The following DIS3L2 variants were observed in gnomAD, a reference collection of about 807,000 sequenced individuals.
DIS3L2 encodes DIS3-like exonuclease 2.
Under a neutral mutation model 97.5 loss-of-function variants are expected in DIS3L2, and 34 were observed. The ratio of observed to expected loss-of-function variants is 0.35; its 90% CI spans 0.27 to 0.46. The LOEUF (loss-of-function observed/expected upper bound fraction) is 0.46. Among genes scored for constraint, DIS3L2 ranks in the 20% least tolerant of loss-of-function variants. The pLI, the probability that DIS3L2 is intolerant of heterozygous loss-of-function variation, is 1.00. For synonymous variants in DIS3L2, 435 were observed against 445.2 expected (o/e 0.98, Z 0.29); for missense variants, 1,038 against 1,146.0 (o/e 0.91, Z 1.36).
Position 232,265,770 on chromosome 2 carries a change from A to G in DIS3L2, c.1659+2330A>G, listed in dbSNP as rs188361346. On this transcript the variant is annotated intron_variant, in intron 13 of 20. Coordinates refer to ENST00000325385, the MANE Select transcript of DIS3L2 (RefSeq NM_152383.5). The stretch of plus-strand genomic sequence containing the variant: ...TTACAAAATCCATTAAGCATTCTGT[A>G]TTCAAATTGCTTCATAAATGTCTAA... Among the ~76,000 whole-genome samples the G allele has an allele frequency of 2.2e-3, 330 of 152,386 alleles. 2 individuals are homozygous for G. Among genetic ancestry groups the G allele is most frequent in the African/African-American group, 7.5e-3 (313 of 41,590 alleles).
intron 5 of DIS3L2, among the ~76,000 whole-genome samples, chr2:232,067,925 C>T (rs1695896810): frequency 1.3e-5 from 2 of 151,878 alleles, no homozygotes; most frequent in South Asian, 4.2e-4. Flanking sequence ...GGAATGTTTT[C>T]AAAGATGGGA....
Position 232,293,351 on chromosome 2 carries a change from A to G in DIS3L2, c.1660-6689A>G, listed in dbSNP as rs188746740. Among the ~76,000 whole-genome samples the G allele has an allele frequency of 2.6e-5, 4 of 152,306 alleles. No homozygotes were observed. Among genetic ancestry groups the G allele is most frequent in the Admixed American group, 2.0e-4 (3 of 15,306 alleles). ...ATTGGACACCTGCTGTGACAGTGAT[A>G]AGGACACCGATTGCCCAGGAGACCT... On this transcript the variant is annotated intron_variant, in intron 13 of 20. Transcript: ENST00000325385. The surrounding 1 kb of genome is among the most constrained non-coding windows in gnomAD (Gnocchi z 4.6).
At chr2:232,333,755 C>CGAGCCAGAA in intron 16 of DIS3L2, 85 bp from the exon 17 acceptor site, 11 of 1,488,962 alleles carry the variant, frequency 7.4e-6, no homozygotes, top group Admixed American at 4.5e-5. Context: ...TCGCTGCCGA[C>CGAGCCAGAA]GGTGAGGCTG....
intron 14 of DIS3L2, 28 bp from the exon 15 acceptor site, chr2:232,329,785 T>TGCCGGGGGCA: frequency 2.1e-6 from 2 of 967,140 alleles, no homozygotes; most frequent in Non-Finnish European, 2.9e-6. Context: ...ACCCCAGCGG[T>TGCCGGGGGCA]CCCTCCCATC....
chr2:232,068,075 G>A (rs1695901028), intron 5 of DIS3L2, among the ~76,000 whole-genome samples: 1 of 152,144 alleles, frequency 6.6e-6, no homozygotes, highest in Admixed American at 6.5e-5. Context: ...TGCTGGGATT[G>A]GTCTTTTGCA....
chr2:232,189,874 C>A (rs1226540177), intron 9 of DIS3L2, among the ~76,000 whole-genome samples: 1 of 152,006 alleles, frequency 6.6e-6, no homozygotes, highest in Non-Finnish European at 1.5e-5. Context: ...TTTTAATCTA[C>A]AATTATCGCA....
chr2:232,098,355 ATT>A (rs371321680), intron 6 of DIS3L2, among the ~76,000 whole-genome samples: 7 of 138,656 alleles, frequency 5.0e-5, no homozygotes, highest in Non-Finnish European at 7.7e-5. Flanking sequence ...GAGGTTTCTA[ATT>A]TTTTTTTTTT....
At chr2:232,263,011 G>A (rs1395941578) in intron 12 of DIS3L2, among the ~76,000 whole-genome samples, 196 bp from the exon 13 acceptor site, 5 of 152,318 alleles carry the variant, frequency 3.3e-5, no homozygotes, top group South Asian at 4.2e-4. Context: ...ACGCCAGGTG[G>A]AGACTAAGCT....
intron 1 of DIS3L2, among the ~76,000 whole-genome samples, chr2:231,966,289 C>T (rs942565040): frequency 1.3e-5 from 2 of 151,924 alleles, no homozygotes; most frequent in African/African-American, 2.4e-5. Context: ...CAGCCTCAGC[C>T]TCGTGAGTAG....
At chr2:232,318,160 C>T (rs1035513033) in intron 14 of DIS3L2, among the ~76,000 whole-genome samples, 2 of 150,340 alleles carry the variant, frequency 1.3e-5, no homozygotes, top group East Asian at 1.9e-4. Context: ...CAGTAGTGGT[C>T]GGGGTGCCCA....
intron 1 of DIS3L2, among the ~76,000 whole-genome samples, chr2:231,984,736 C>T (rs780731678): frequency 3.9e-5 from 6 of 152,128 alleles, no homozygotes; most frequent in Non-Finnish European, 8.8e-5. Context: ...TCTCCTGGCT[C>T]AGCCTCCTGA....
At position 232,100,829 on chromosome 2, in the gene DIS3L2, G is replaced by GTGTGTGTA. The variant is rs149798372; in HGVS notation, c.601+13109_601+13110insGTGTGTAT. ...GGTGTGTGTGTGTGTGTGTGTGTGT[G>GTGTGTGTA]TATATATATCTCCACAAATTTGATT... On this transcript the variant is annotated intron_variant, in intron 6 of 20. Coordinates refer to ENST00000325385, the MANE Select transcript of DIS3L2 (RefSeq NM_152383.5). Among the ~76,000 whole-genome samples the GTGTGTGTA allele has an allele frequency of 2.3e-3, 336 of 148,152 alleles. 1 individual carries two copies. The highest frequency in any genetic ancestry group is 7.7e-3 in the African/African-American group (309 of 40,290).
Position 232,056,512 on chromosome 2 carries a change from A to T in DIS3L2, c.366+26432A>T, listed in dbSNP as rs188886736. On this transcript the variant is annotated intron_variant, in intron 5 of 20. Transcript: ENST00000325385. ...TAATCTGCACAGTGGGAGAAGATGT[A>T]TGCAACCAGATATATATTCAACAAA... 2.3e-3 allele frequency among the ~76,000 whole-genome samples: 346 copies of T among 152,290 alleles called. 4 individuals are homozygous for T. The Middle Eastern group carries it at 0.027, about 12-fold the overall frequency.
At chr2:232,109,445 A>T (rs1467813284) in intron 6 of DIS3L2, among the ~76,000 whole-genome samples, 2 of 152,236 alleles carry the variant, frequency 1.3e-5, no homozygotes, top group East Asian at 3.9e-4. Flanking sequence ...AGTCTCAAAA[A>T]GATAAAAATA....
rs2106220804 is a variant in DIS3L2 at position 232,014,970 on chromosome 2, AC to A, written c.48del (p.Arg17GlufsTer47). On this transcript the variant is annotated frameshift_variant, in exon 2 of 21. Coordinates refer to ENST00000325385, the MANE Select transcript of DIS3L2 (RefSeq NM_152383.5). LOFTEE classifies it high-confidence loss of function. ...DYRMNLRPLG[T>X]PRGVSAVAGP... ...CAGAATGAACCTCCGGCCCCTGGGG[AC>A]CCCCAGAGGTAGTAAAAGGAAAATG... is the stretch of plus-strand genomic sequence containing the variant. 1.2e-6 allele frequency: 2 copies of A among 1,613,938 alleles called. No homozygotes were observed. The highest frequency in any genetic ancestry group is 1.7e-6 in the Non-Finnish European group (2 of 1,179,934).
intron 5 of DIS3L2, among the ~76,000 whole-genome samples, chr2:232,057,723 G>A (rs1695587415): frequency 6.6e-6 from 1 of 152,052 alleles, no homozygotes; most frequent in African/African-American, 2.4e-5. Context: ...AAGCCATACC[G>A]AGATACTCGA....
chr2:232,125,078 T>G (rs1457232124), intron 6 of DIS3L2, among the ~76,000 whole-genome samples: 1 of 152,202 alleles, frequency 6.6e-6, no homozygotes, highest in Non-Finnish European at 1.5e-5. Flanking sequence ...TGTGTGCCTT[T>G]GCACGCTCTC....
intron 13 of DIS3L2, among the ~76,000 whole-genome samples, chr2:232,273,995 CA>C: frequency 6.6e-6 from 1 of 152,304 alleles, no homozygotes; most frequent in South Asian, 2.1e-4. Context: ...TCCCATAAGA[CA>C]GAGGTTCTGT....
chr2:232,149,440 A>G (rs1301327153), intron 8 of DIS3L2, among the ~76,000 whole-genome samples: 1 of 129,734 alleles, frequency 7.7e-6, no homozygotes, highest in African/African-American at 3.2e-5. Flanking sequence ...GAGTGAGAAT[A>G]TGCGGTGTTT....
Sources: gnomAD v4.1 joint callset for allele counts (sites outside exome capture counted in the v4.1 genomes callset) on GRCh38, gnomAD v4.1.1 for gene constraint, Gnocchi (gnomAD v3.1) non-coding constraint, MANE v1.5 for transcripts, NCBI Gene and HGNC (gene_info 2026-07-23, HGNC 2026-07-21) for gene names.